The following DPP7 variants were observed in gnomAD, a reference collection of about 807,000 sequenced individuals.
DPP7 encodes dipeptidyl peptidase 7.
DPP7 carries 74 observed loss-of-function variants against 58.8 expected under a neutral mutation model. The observed-to-expected ratio is 1.26, with a 90% CI of 1.04 to 1.53. DPP7 has a LOEUF of 1.53. Among genes scored for constraint, DPP7 ranks in the 40% most tolerant of loss-of-function variants. DPP7 has a pLI of 0.00. For missense variants in DPP7, 807 were observed against 692.3 expected, an observed-to-expected ratio of 1.17 and a Z score of -1.86; for synonymous variants, 350 against 303.6, an observed-to-expected ratio of 1.15 and a Z score of -1.59.
At chr9:137,112,564 C>A in intron 8 of DPP7, 181 bp downstream of exon 8, 1 of 792,728 alleles carries the variant, frequency 1.3e-6, no homozygotes, top group South Asian at 1.8e-5. Flanking sequence ...AGAGGGTCCC[C>A]AGGGACGGCC....
chr9:137,112,044 G>C lies in DPP7; in HGVS notation c.1051-15C>G, dbSNP rs1831395744. ...TCGGTGCAGGCCTGCAGGTGCCCCA[G>C]CCTGAGTCAGGCCAGCCCACGCCCA... On this transcript the variant is annotated splice_polypyrimidine_tract_variant and intron_variant, in intron 9 of 12. Coordinates refer to ENST00000371579, the MANE Select transcript of DPP7 (RefSeq NM_013379.3). The C allele has an allele frequency of 1.2e-6, 2 of 1,612,804 alleles. No individual in the cohort carries two copies. Among genetic ancestry groups the C allele is most frequent in the Admixed American group, 3.3e-5 (2 of 59,970 alleles).
chr9:137,113,959 C>T lies in DPP7; in HGVS notation c.391G>A (p.Val131Met). 4 of 1,586,998 alleles carry T rather than the reference C, an allele frequency of 2.5e-6. No homozygotes were observed. The highest frequency in any genetic ancestry group is 2.6e-6 in the Non-Finnish European group (3 of 1,172,180). The stretch of plus-strand genomic sequence containing the variant: ...GCGAAGTCGGCCAGGGCCTGCTCCA[C>T]CGTCAGCAGCTCCGTGTGCCCGCGC... ...TQRGHTELLT[V>M]EQALADFAEL... is the part of the protein sequence containing the mutation. Residue 131 changes from valine (V) to methionine (M), a missense_variant, in exon 4 of 13, where the codon GTG becomes ATG. Around this residue, in one of 3 missense-constraint regions of DPP7, gnomAD observed 624 missense variants for 531.2 expected, o/e 1.17. Transcript: ENST00000371579.
chr9:137,114,062 ACCCCGCCCGGCACCCGCGTGCCCCGCGAC>A (rs1831515552), intron 3 of DPP7, 34 bp from the exon 4 acceptor site: 7 of 1,259,098 alleles, frequency 5.6e-6, no homozygotes, highest in Non-Finnish European at 7.0e-6. Context: ...CGGCCCCGCG[ACCCCGCCCGGCACCCGCGTGCCCCGCGAC>A]CCCCGCCCGC....
chr9:137,112,867 T>A, intron 7 of DPP7, 62 bp from the exon 8 acceptor site: 1 of 1,601,340 alleles, frequency 6.2e-7, no homozygotes. Flanking sequence ...CCTCCCTGGC[T>A]CCCAGGATGA....
chr9:137,113,701 A>T (rs916920706), intron 4 of DPP7, 164 bp downstream of exon 4: 3 of 1,420,040 alleles, frequency 2.1e-6, no homozygotes, highest in Non-Finnish European at 2.8e-6. Context: ...CTGGGAGGAC[A>T]GGTGGGAGGG....
In DPP7 at chr9:137,114,710, C is replaced by A; in HGVS notation, c.4G>T (p.Gly2Cys). The change falls in exon 1 of 13, where the codon GGC (glycine) becomes TGC (cysteine). Residue 2 changes from glycine to cysteine, a missense_variant. Physicochemically the swap from Gly to Cys is radical, Grantham distance 159. Coordinates refer to ENST00000371579, the MANE Select transcript of DPP7 (RefSeq NM_013379.3). Reference sequence around the variant, plus strand: ...AGGACCGGGGCCCAGGGAGCGGAGCCCATGTCGCCTTCCGCGGGCGCCCGT... The same window carrying A: ...AGGACCGGGGCCCAGGGAGCGGAGCACATGTCGCCTTCCGCGGGCGCCCGT... M[G>C]SAPWAPVLLL... 7.8e-7 allele frequency: 1 copy of A among 1,285,838 alleles called. No homozygotes were observed. The highest frequency in any genetic ancestry group is 9.8e-7 in the Non-Finnish European group (1 of 1,019,276). The allele number at this position is 1,285,838 out of a possible 1,614,324, so 79.7% of individuals were successfully genotyped here.
chr9:137,116,722 TTGAGA>T (rs759438697), upstream of DPP7, among the ~76,000 whole-genome samples: 16 of 152,288 alleles, frequency 1.1e-4, no homozygotes, highest in South Asian at 1.7e-3. Context: ...CTCTTTGCAG[TTGAGA>T]TAAGAGGAAG....
In DPP7 at chr9:137,110,725, T is replaced by C. The variant is rs758118726; in HGVS notation, c.1402A>G (p.Ile468Val). 1.9e-6 allele frequency: 3 copies of C among 1,607,728 alleles called. 1 individual carries two copies. The highest frequency in any genetic ancestry group is 2.2e-5 in the South Asian group (2 of 90,998). Residue 468 changes from isoleucine (I) to valine (V), a missense_variant, in exon 13 of 13, where the codon ATC becomes GTC. By Grantham distance (29) the Ile-to-Val change is conservative (BLOSUM62 3). Around this residue, in one of 3 missense-constraint regions of DPP7, gnomAD observed 624 missense variants for 531.2 expected, o/e 1.17. Transcript: ENST00000371579. The stretch of plus-strand genomic sequence containing the variant: ...GCTGCCTTTACCCACTCGCCGATGA[T>C]GGTGGCCTCCAGCTTCCGCGCCTCA... ...VVEARKLEAT[I>V]IGEWVKAARR...
chr9:137,110,737 G>A lies in DPP7; in HGVS notation c.1390C>T (p.Leu464=), dbSNP rs746948997. 6.2e-7 allele frequency: 1 copy of A among 1,607,104 alleles called. No homozygotes were observed. Residue 464 remains leucine (L), a synonymous_variant, in exon 13 of 13, where the codon CTG becomes TTG. Coordinates refer to ENST00000371579, the MANE Select transcript of DPP7 (RefSeq NM_013379.3). ...CACTCGCCGATGATGGTGGCCTCCA[G>A]CTTCCGCGCCTCAACCACGGAAGCA... ...DPASVVEARK[L]EATIIGEWVK... is the part of the protein sequence containing the mutation.
At position 137,113,189 on chromosome 9, in the gene DPP7, C is replaced by T. The variant is rs767930755; in HGVS notation, c.703+17G>A. 11 of 1,613,238 alleles carry T rather than the reference C, an allele frequency of 6.8e-6. No individual in the cohort carries two copies. Among genetic ancestry groups the T allele is most frequent in the Admixed American group, 5.0e-5 (3 of 59,986 alleles). On this transcript the variant is annotated intron_variant, in intron 6 of 12. Coordinates refer to ENST00000371579, the MANE Select transcript of DPP7 (RefSeq NM_013379.3). ...CTGGGGCGGGTCAGGCAGTGGGAGG[C>T]GGTGGGAGGACCTCACCTCCCTGTA...
rs1263773348 is a variant in DPP7, at chr9:137,113,063, CCTT to C, written c.757_759del (p.Lys253del). ...GCGAACATGAAGAGCTGGGTCAGGTCCTTCTCGTCTGACAGCGGCTGGCAGGTG... is the reference window on the plus strand; with the variant it reads ...GCGAACATGAAGAGCTGGGTCAGGTCCTCGTCTGACAGCGGCTGGCAGGTG... On this transcript the variant is annotated inframe_deletion, in exon 7 of 13. Coordinates refer to ENST00000371579, the MANE Select transcript of DPP7 (RefSeq NM_013379.3). 6.2e-7 allele frequency: 1 copy of C among 1,613,910 alleles called. No homozygotes were observed. The highest frequency in any genetic ancestry group is 8.5e-7 in the Non-Finnish European group (1 of 1,180,022).
intron 2 of DPP7, 37 bp from the exon 3 acceptor site, chr9:137,114,419 G>T: frequency 6.4e-7 from 1 of 1,567,128 alleles, no homozygotes; most frequent in African/African-American, 1.4e-5. Flanking sequence ...GTGCCGGGGG[G>T]CGGCGGGACG....
Position 137,110,695 on chromosome 9 carries a change from G to A in DPP7, c.1432C>T (p.Arg478Cys), listed in dbSNP as rs144785203. The change falls in exon 13 of 13, where the codon CGT becomes TGT. Residue 478 changes from arginine (R) to cysteine (C), a missense_variant. Transcript: ENST00000371579. Reference sequence around the variant, plus strand: ...CCACGCAGAGCTGGCTGCTGCTCACGCCTGGCTGCCTTTACCCACTCGCCG... The same window carrying A: ...CCACGCAGAGCTGGCTGCTGCTCACACCTGGCTGCCTTTACCCACTCGCCG... ...IIGEWVKAAR[R>C]EQQPALRGGP... is the part of the protein sequence containing the mutation. 818 of 1,608,972 alleles carry A rather than the reference G, an allele frequency of 5.1e-4. 1 individual carries two copies. The Middle Eastern group carries it at 6.1e-3, about 12-fold the overall frequency.
At position 137,113,268 on chromosome 9, in the gene DPP7, G is replaced by C; in HGVS notation, c.641C>G (p.Pro214Arg). The C allele has an allele frequency of 6.2e-7, 1 of 1,613,782 alleles. No homozygotes were observed. The highest frequency in any genetic ancestry group is 8.5e-7 in the Non-Finnish European group (1 of 1,179,990). Residue 214 changes from proline (P) to arginine (R), a missense_variant, in exon 6 of 13, where the codon CCC becomes CGC. Physicochemically the swap from Pro to Arg is moderately radical, Grantham distance 103. Around this residue, in one of 3 missense-constraint regions of DPP7, gnomAD observed 624 missense variants for 531.2 expected, o/e 1.17. Coordinates refer to ENST00000371579, the MANE Select transcript of DPP7 (RefSeq NM_013379.3). ...TTCCCGCACACCCTGGGTGCATTTG[G>C]GACTCTGGCCCTCAAAGTCCTGGGG... ...DVTADFEGQS[P>R]KCTQGVREAF...
In DPP7 at chr9:137,112,165, C is replaced by T. The variant is rs1200435624; in HGVS notation, c.997G>A (p.Ala333Thr). The T allele has an allele frequency of 6.2e-7, 1 of 1,609,376 alleles. No homozygotes were observed. The highest frequency in any genetic ancestry group is 8.5e-7 in the Non-Finnish European group (1 of 1,179,704). ...YDIYRLYHSC[A>T]DPTGCGTGPD... Reference sequence around the variant, plus strand: ...CCGGTGCCGCAGCCAGTGGGGTCAGCACAGCTGTGGTAGAGCCGGTAGATG... The same window carrying T: ...CCGGTGCCGCAGCCAGTGGGGTCAGTACAGCTGTGGTAGAGCCGGTAGATG... Residue 333 changes from alanine to threonine, a missense_variant, in exon 9 of 13, where the codon GCT (alanine) becomes ACT (threonine). Physicochemically the swap from Ala to Thr is moderately conservative, Grantham distance 58. Around this residue, in one of 3 missense-constraint regions of DPP7, gnomAD observed 624 missense variants for 531.2 expected, o/e 1.17. Coordinates refer to ENST00000371579, the MANE Select transcript of DPP7 (RefSeq NM_013379.3).
At chr9:137,114,809 T>C, upstream of DPP7, 1 of 882,460 alleles carries the variant, frequency 1.1e-6, no homozygotes, top group Non-Finnish European at 1.5e-6. Context: ...GCGCCCGCGG[T>C]CCCCACGGAG....
At chr9:137,112,261 CCACA>C (rs762849679) in intron 8 of DPP7, 31 bp from the exon 9 acceptor site, 3 of 1,568,310 alleles carry the variant, frequency 1.9e-6, no homozygotes, top group South Asian at 2.3e-5. Flanking sequence ...GGCCCAGCGG[CCACA>C]CACAGACACA....
chr9:137,114,024 T>C lies in DPP7; in HGVS notation c.326A>G (p.Tyr109Cys), dbSNP rs373533322. ...GALLVFAEHR[Y>C]YGKSLPFGAQ... ...ACCGAACGGCAGCGACTTCCCGTAG[T>C]AGCGCTGGGGGAACGTGCCATTGAG... The change falls in exon 4 of 13, where the codon TAC (tyrosine) becomes TGC (cysteine). Residue 109 changes from tyrosine (Y) to cysteine (C), a missense_variant. Tyr to Cys is a radical substitution (Grantham distance 194). This residue lies in a region of DPP7 where 15 missense variants were observed against 37.0 expected (regional missense o/e 0.41). Transcript: ENST00000371579. 6.7e-7 allele frequency: 1 copy of C among 1,488,428 alleles called. No homozygotes were observed. Among genetic ancestry groups the C allele is most frequent in the South Asian group, 1.3e-5 (1 of 77,706 alleles). 92.2% of individuals were successfully genotyped at this position (1,488,428 alleles called of 1,614,324 possible). A position where few individuals can be genotyped will look rare whatever the true frequency, so the allele number is the denominator to read the frequency against.
At chr9:137,112,544 G>T in intron 8 of DPP7, 1 of 713,684 alleles carries the variant, frequency 1.4e-6, no homozygotes, top group Non-Finnish European at 2.3e-6. Context: ...CCTGGCTACA[G>T]CCAGTGCTGA....
Sources: allele counts gnomAD v4.1 joint callset (sites outside exome capture counted in the v4.1 genomes callset), GRCh38; gene constraint gnomAD v4.1.1; regional missense constraint gnomAD v4.1.1; transcripts MANE v1.5; gene names NCBI Gene and HGNC (gene_info 2026-07-23, HGNC 2026-07-21).